The following NUP205 variants were observed in gnomAD, a reference collection of about 807,000 sequenced individuals.
NUP205 encodes nucleoporin 205.
Under a neutral mutation model 253.8 loss-of-function variants are expected in NUP205, and 76 were observed. That is an observed-to-expected ratio of 0.30 (90% CI 0.25 to 0.36). The LOEUF is 0.36. Among genes scored for constraint, NUP205 ranks in the 10% least tolerant of loss-of-function variants. The probability of loss-of-function intolerance (pLI) is 1.00; values close to 1 mark genes in which losing one functional copy is unlikely to be tolerated. For synonymous variants in NUP205, 832 were observed against 850.1 expected (o/e 0.98, Z 0.37); for missense variants, 2,162 against 2,425.5 (o/e 0.89, Z 2.28).
Position 135,628,031 on chromosome 7 carries a change from C to T in NUP205, c.4852C>T (p.Gln1618Ter). The change falls in exon 34 of 43, where the codon CAG becomes TAG. Residue 1618 changes from glutamine (Q) to a stop codon, truncating the protein, a stop_gained. Coordinates refer to ENST00000285968, the MANE Select transcript of NUP205 (RefSeq NM_015135.3). LOFTEE classifies it high-confidence loss of function. The stretch of plus-strand genomic sequence containing the variant: ...CCCTACCCCAGTGGATCGCTACCGC[C>T]AGATTCTCCTCCCAGCTCTCCAGCT... ...FIPTPVDRYRQILLPALQLCQ... is the reference protein window; with the variant it reads ...FIPTPVDRYR 6.2e-7 allele frequency: 1 copy of T among 1,611,502 alleles called. No homozygotes were observed. Among genetic ancestry groups the T allele is most frequent in the Non-Finnish European group, 8.5e-7 (1 of 1,179,564 alleles).
chr7:135,623,010 C>T lies in NUP205; in HGVS notation c.4479+85C>T, dbSNP rs949497834. 3.1e-5 allele frequency: 43 copies of T among 1,380,788 alleles called. No homozygotes were observed. The South Asian group carries it at 5.3e-4, about 17-fold the overall frequency. 85.5% of individuals were successfully genotyped at this position (1,380,788 alleles called of 1,614,324 possible). A position where few individuals can be genotyped will look rare whatever the true frequency, so the allele number is the denominator to read the frequency against. On this transcript the variant is annotated intron_variant, in intron 31 of 42. Transcript: ENST00000285968. ...AACTGATTCACGGCTGGGTGTGGTG[C>T]CTCATGCCTGTAATCTCAGTGCTTT...
rs531168264 is a variant in NUP205 at position 135,587,817 on chromosome 7, A to G, written c.1336-38A>G. 6 of 1,578,638 alleles carry G rather than the reference A, an allele frequency of 3.8e-6. No homozygotes were observed. The South Asian group carries it at 4.6e-5, about 12-fold the overall frequency. On this transcript the variant is annotated intron_variant, in intron 9 of 42. Coordinates refer to ENST00000285968, the MANE Select transcript of NUP205 (RefSeq NM_015135.3). The stretch of plus-strand genomic sequence containing the variant: ...TTTTATTGAAAGTAATTTTTCAGTC[A>G]TAGACATTTCCCTACAGTCTTTGCT...
At chr7:135,609,181 A>T (rs999636938) in intron 22 of NUP205, among the ~76,000 whole-genome samples, 1 of 151,742 alleles carries the variant, frequency 6.6e-6, no homozygotes, top group African/African-American at 2.4e-5. Context: ...CCCTAAATTT[A>T]CATTTTTAGG....
intron 31 of NUP205, 112 bp downstream of exon 31, chr7:135,623,037 G>A (rs1794507877): frequency 5.7e-6 from 6 of 1,059,356 alleles, no homozygotes; most frequent in East Asian, 2.6e-5. Flanking sequence ...CAGTGCTTTC[G>A]AAGGCCAAGG....
At chr7:135,622,964 AT>A in intron 31 of NUP205, 39 bp downstream of exon 31, 1 of 1,584,312 alleles carries the variant, frequency 6.3e-7, no homozygotes, top group Non-Finnish European at 8.7e-7. Flanking sequence ...TTGAATAAGT[AT>A]TTTGACTTAT....
At chr7:135,604,868 C>G (rs1794053707) in intron 19 of NUP205, among the ~76,000 whole-genome samples, 1 of 152,190 alleles carries the variant, frequency 6.6e-6, no homozygotes, top group African/African-American at 2.4e-5. Context: ...TTCTTGTGAT[C>G]CACCTGTGTG....
At chr7:135,568,798 T>G (rs1175604548) in intron 1 of NUP205, among the ~76,000 whole-genome samples, 4 of 152,254 alleles carry the variant, frequency 2.6e-5, no homozygotes, top group African/African-American at 9.6e-5. Flanking sequence ...CACACCTGTC[T>G]CTGATCCTTT....
Position 135,606,104 on chromosome 7 carries a change from C to T in NUP205, c.2824-41C>T, listed in dbSNP as rs752470231. ...TCATAGTTTTTCTAATATTTAGAAACCTGTAATAATTTGTCATTTTTTACC... is the reference window on the plus strand; with the variant it reads ...TCATAGTTTTTCTAATATTTAGAAATCTGTAATAATTTGTCATTTTTTACC... On this transcript the variant is annotated intron_variant, in intron 19 of 42. Coordinates refer to ENST00000285968, the MANE Select transcript of NUP205 (RefSeq NM_015135.3). 10 of 1,292,438 alleles carry T rather than the reference C, an allele frequency of 7.7e-6. No individual in the cohort carries two copies. The Middle Eastern group carries it at 1.3e-3, about 166-fold the overall frequency. 80.1% of individuals were successfully genotyped at this position (1,292,438 alleles called of 1,614,324 possible). A position where few individuals can be genotyped will look rare whatever the true frequency, so the allele number is the denominator to read the frequency against.
chr7:135,618,211 C>G lies in NUP205; in HGVS notation c.3772-201C>G, dbSNP rs144885107. Among the ~76,000 whole-genome samples the G allele has an allele frequency of 3.4e-4, 52 of 152,304 alleles. 1 individual carries two copies. The East Asian group carries it at 8.3e-3, about 24-fold the overall frequency. ...TATTTATCTATGCCACTTCTGTCCC[C>G]TACCTTTCATGCACATACACACACA... On this transcript the variant is annotated intron_variant, in intron 27 of 42. Coordinates refer to ENST00000285968, the MANE Select transcript of NUP205 (RefSeq NM_015135.3).
chr7:135,574,160 G>A (rs80311182), intron 3 of NUP205, among the ~76,000 whole-genome samples: 3,810 of 152,156 alleles, frequency 0.025, 77 homozygotes, highest in South Asian at 0.077. Flanking sequence ...CCTTTGATTG[G>A]AAGGAAGGCT....
In NUP205 at chr7:135,573,639, A is replaced by T. The variant is rs764819934; in HGVS notation, c.172-15A>T. On this transcript the variant is annotated splice_polypyrimidine_tract_variant and intron_variant, in intron 2 of 42. Coordinates refer to ENST00000285968, the MANE Select transcript of NUP205 (RefSeq NM_015135.3). Reference sequence around the variant, plus strand: ...GTGTGCTATTTTCATAACAATTACAATTTTATCATTGTAGCCAAAAAATGT... The same window carrying T: ...GTGTGCTATTTTCATAACAATTACATTTTTATCATTGTAGCCAAAAAATGT... The T allele has an allele frequency of 1.2e-6, 2 of 1,604,042 alleles. No homozygotes were observed. The highest frequency in any genetic ancestry group is 8.5e-7 in the Non-Finnish European group (1 of 1,175,870).
At chr7:135,570,050 TATAGAGAG>T (rs1180138457) in intron 1 of NUP205, among the ~76,000 whole-genome samples, 2,781 of 88,514 alleles carry the variant, frequency 0.031, 27 homozygotes, top group Non-Finnish European at 0.04. Flanking sequence ...TATATATATA[TATAGAGAG>T]AGAGAGAGAG....
intron 13 of NUP205, among the ~76,000 whole-genome samples, chr7:135,595,939 T>A (rs544540729): frequency 0.016 from 2,138 of 135,434 alleles, 30 homozygotes; most frequent in South Asian, 0.08. Flanking sequence ...GCAAAAAAAA[T>A]TTTTTTTTTT....
In NUP205 at chr7:135,578,032, G is replaced by A; in HGVS notation, c.877+8G>A. The A allele has an allele frequency of 6.4e-7, 1 of 1,571,672 alleles. No individual in the cohort carries two copies. The highest frequency in any genetic ancestry group is 8.7e-7 in the Non-Finnish European group (1 of 1,142,872). The stretch of plus-strand genomic sequence containing the variant: ...GCACAGAGGAACGAGATGGTATTGA[G>A]TTTTATACATTTTCCTACATTAAAA... On this transcript the variant is annotated splice_region_variant and intron_variant, in intron 6 of 42. Coordinates refer to ENST00000285968, the MANE Select transcript of NUP205 (RefSeq NM_015135.3).
In NUP205 at chr7:135,587,744, T is replaced by TC. The variant is rs1204863628; in HGVS notation, c.1335+57dup. 2.6e-6 allele frequency: 4 copies of TC among 1,527,186 alleles called. No individual in the cohort carries two copies. The South Asian group carries it at 4.9e-5, about 19-fold the overall frequency. The allele number at this position is 1,527,186 out of a possible 1,614,324, so 94.6% of individuals were successfully genotyped here. On this transcript the variant is annotated intron_variant, in intron 9 of 42. Transcript: ENST00000285968. ...CTCTTTCCCTCCTTTCATTATTTTT[T>TC]CCCCTAACTTTGGAAAATTTCAGGT... is the stretch of plus-strand genomic sequence containing the variant.
chr7:135,599,886 G>A (rs781452336), intron 15 of NUP205, among the ~76,000 whole-genome samples: 9 of 152,134 alleles, frequency 5.9e-5, no homozygotes, highest in Non-Finnish European at 1.0e-4. Flanking sequence ...AAATAACAGC[G>A]TGTTAGAGGC....
intron 1 of NUP205, among the ~76,000 whole-genome samples, chr7:135,565,619 A>G (rs1805734790): frequency 6.6e-6 from 1 of 151,658 alleles, no homozygotes; most frequent in Non-Finnish European, 1.5e-5. Context: ...TTTAGTAGAG[A>G]TGGGGTTTCT....
Position 135,585,139 on chromosome 7 carries a change from A to G in NUP205, c.1218+132A>G. On this transcript the variant is annotated intron_variant, in intron 8 of 42. Transcript: ENST00000285968. ...CAGACTAAAATTTGCCAGTAGCTGT[A>G]TTACATCTTGTGAATCAGTTTGTGA... is the stretch of plus-strand genomic sequence containing the variant. 10 of 645,734 alleles carry G rather than the reference A, an allele frequency of 1.5e-5. No individual in the cohort carries two copies. The South Asian group carries it at 2.2e-4, about 14-fold the overall frequency. 40.0% of individuals were successfully genotyped at this position (645,734 alleles called of 1,614,324 possible). A position where few individuals can be genotyped will look rare whatever the true frequency, so the allele number is the denominator to read the frequency against.
chr7:135,601,628 A>C, intron 17 of NUP205, 121 bp downstream of exon 17: 1 of 1,078,380 alleles, frequency 9.3e-7, no homozygotes. Context: ...CTCTCTCTGT[A>C]TCTGAAGTGG....
Sources: allele counts gnomAD v4.1 joint callset (sites outside exome capture counted in the v4.1 genomes callset), GRCh38; gene constraint gnomAD v4.1.1; transcripts MANE v1.5; gene names NCBI Gene and HGNC (gene_info 2026-07-23, HGNC 2026-07-21).